LUC7L3: variants seen among roughly 807,000 people sequenced by gnomAD.
The protein encoded by LUC7L3 is LUC7 like 3 pre-mRNA splicing factor, also known as luc7-like protein 3.
A neutral mutation model predicts 66.8 loss-of-function variants in LUC7L3; 6 were observed. That is an observed-to-expected ratio of 0.09 (90% confidence interval 0.05 to 0.18). The LOEUF (loss-of-function observed/expected upper bound fraction) is 0.18, where lower values mean the gene tolerates loss of function less well. Among genes scored for constraint, LUC7L3 ranks in the 10% least tolerant of loss-of-function variants. LUC7L3 has a pLI of 1.00. For synonymous variants in LUC7L3, 160 were observed against 174.7 expected, an observed-to-expected ratio of 0.92 and a Z score of 0.66; for missense variants, 341 against 531.1, an observed-to-expected ratio of 0.64 and a Z score of 3.52.
chr17:50,737,903 C>G (rs1970081763), intron 2 of LUC7L3, among the ~76,000 whole-genome samples: 1 of 152,116 alleles, frequency 6.6e-6, no homozygotes, highest in Non-Finnish European at 1.5e-5. Context: ...TGGTACATAA[C>G]CAGGATCATT....
At position 50,719,630 on chromosome 17, in the gene LUC7L3, G is replaced by A. The variant is rs1029589763; in HGVS notation, c.-103G>A. 2 of 941,470 alleles carry A rather than the reference G, an allele frequency of 2.1e-6. No individual in the cohort carries two copies. Among genetic ancestry groups the A allele is most frequent in the Non-Finnish European group, 1.7e-6 (1 of 604,864 alleles). The allele number at this position is 941,470 out of a possible 1,614,324, so 58.3% of individuals were successfully genotyped here. A position where few individuals can be genotyped will look rare whatever the true frequency, so the allele number is the denominator to read the frequency against. ...CTTGTCGGCTCCTGTGTGTAGGAGG[G>A]ATTTCGGCCTGAGAGCGGGCCGAGG... On this transcript the variant is annotated 5_prime_UTR_variant, in exon 1 of 10. Coordinates refer to ENST00000505658, the MANE Select transcript of LUC7L3 (RefSeq NM_016424.5).
intron 3 of LUC7L3, among the ~76,000 whole-genome samples, chr17:50,740,575 T>C (rs536788252): frequency 6.6e-6 from 1 of 152,242 alleles, no homozygotes; most frequent in East Asian, 1.9e-4. Context: ...TTGCTGTTTT[T>C]TTTAAATGAG....
At chr17:50,740,136 T>C in intron 2 of LUC7L3, 170 bp from the exon 3 acceptor site, 1 of 567,186 alleles carries the variant, frequency 1.8e-6, no homozygotes, top group Middle Eastern at 4.6e-4. Context: ...TTATATCCTA[T>C]TTGGTTATGA....
intron 1 of LUC7L3, among the ~76,000 whole-genome samples, chr17:50,721,136 A>G (rs1053981032): frequency 1.3e-5 from 2 of 152,032 alleles, no homozygotes; most frequent in African/African-American, 4.8e-5. Flanking sequence ...CTTTCAGTCT[A>G]AACTTTGCAA....
intron 1 of LUC7L3, among the ~76,000 whole-genome samples, chr17:50,726,967 T>G (rs1969231993): frequency 6.6e-6 from 1 of 152,024 alleles, no homozygotes; most frequent in South Asian, 2.1e-4. Flanking sequence ...CCGGTGCTTG[T>G]AATCCCAGCT....
rs778126864 is a variant in LUC7L3 at position 50,751,813 on chromosome 17, TA to T, written c.*1153del. 11 of 1,018,748 alleles carry T rather than the reference TA, an allele frequency of 1.1e-5. No individual in the cohort carries two copies. The highest frequency in any genetic ancestry group is 1.3e-5 in the Non-Finnish European group (11 of 849,874). 63.1% of individuals were successfully genotyped at this position (1,018,748 alleles called of 1,614,324 possible). A position where few individuals can be genotyped will look rare whatever the true frequency, so the allele number is the denominator to read the frequency against. Reference sequence around the variant, plus strand: ...GTGAAATCAAAGAACTGATGCACTATATAGAACGAATTTGGGTTTTTAAAGA... The same window carrying T: ...GTGAAATCAAAGAACTGATGCACTATTAGAACGAATTTGGGTTTTTAAAGA... On this transcript the variant is annotated 3_prime_UTR_variant, in exon 10 of 10. Transcript: ENST00000505658.
chr17:50,756,150 T>C lies in LUC7L3; in HGVS notation c.*5489T>C, dbSNP rs1056099203. 4 of 152,230 alleles carry C rather than the reference T, an allele frequency of 2.6e-5. No homozygotes were observed. The highest frequency in any genetic ancestry group is 2.6e-4 in the Admixed American group (4 of 15,282). The allele number at this position is 152,230 out of a possible 1,614,324, so 9.4% of individuals were successfully genotyped here. On this transcript the variant is annotated 3_prime_UTR_variant, in exon 10 of 10. Transcript: ENST00000505658. ...AGCCTGTGGGCATTTCCTTTTTTAA[T>C]CTGTATGTTTATGTGCTTTTGTATG...
chr17:50,745,572 GT>G, intron 7 of LUC7L3, 147 bp from the exon 8 acceptor site: 1 of 595,566 alleles, frequency 1.7e-6, no homozygotes, highest in Middle Eastern at 4.2e-4. Context: ...ATGATACCTT[GT>G]GTATATACAT....
chr17:50,747,371 G>A (rs943582266), intron 9 of LUC7L3, among the ~76,000 whole-genome samples: 1 of 150,704 alleles, frequency 6.6e-6, no homozygotes, highest in African/African-American at 2.4e-5. Context: ...AGATAATTCT[G>A]TTAACCACCA....
rs996611525 is a variant in LUC7L3, at chr17:50,751,961, C to T, written c.*1300C>T. ...TACCAATTAGTTGATTTGTTGGTGG[C>T]ATTCCCCTTTTGGGAAAGCAATGTA... On this transcript the variant is annotated 3_prime_UTR_variant, in exon 10 of 10. Coordinates refer to ENST00000505658, the MANE Select transcript of LUC7L3 (RefSeq NM_016424.5). 16 of 1,026,410 alleles carry T rather than the reference C, an allele frequency of 1.6e-5. No individual in the cohort carries two copies. The Admixed American group carries it at 7.2e-4, about 46-fold the overall frequency. 63.6% of individuals were successfully genotyped at this position (1,026,410 alleles called of 1,614,324 possible).
chr17:50,733,551 G>T (rs1969776503), intron 1 of LUC7L3, among the ~76,000 whole-genome samples: 1 of 151,966 alleles, frequency 6.6e-6, no homozygotes, highest in Non-Finnish European at 1.5e-5. Context: ...ACAGGCGGCC[G>T]CTACCACGCC....
At chr17:50,734,024 G>A (rs935470367) in intron 1 of LUC7L3, among the ~76,000 whole-genome samples, 2 of 152,098 alleles carry the variant, frequency 1.3e-5, no homozygotes, top group African/African-American at 4.8e-5. Flanking sequence ...GATGTTTTAA[G>A]AATTAGAAAA....
chr17:50,719,697 C>G lies in LUC7L3; in HGVS notation c.-36C>G, dbSNP rs780511668. The G allele has an allele frequency of 6.4e-7, 1 of 1,563,198 alleles. No individual in the cohort carries two copies. Among genetic ancestry groups the G allele is most frequent in the Admixed American group, 1.8e-5 (1 of 57,110 alleles). On this transcript the variant is annotated 5_prime_UTR_variant, in exon 1 of 10. Transcript: ENST00000505658. ...CGCCCGTGTTTTCGTTGGCGGGTGC[C>G]TGGGCTGGTGGGAACAGCCGCCCGA...
At chr17:50,734,242 A>T (rs140393469) in intron 1 of LUC7L3, among the ~76,000 whole-genome samples, 16,062 of 150,874 alleles carry the variant, frequency 0.11, 1,512 homozygotes, top group African/African-American at 0.26. Context: ...ATCTCAGCTC[A>T]CCGCAACCTC....
At chr17:50,729,068 A>G (rs189491938) in intron 1 of LUC7L3, among the ~76,000 whole-genome samples, 209 of 152,358 alleles carry the variant, frequency 1.4e-3, no homozygotes, top group Non-Finnish European at 1.5e-3. Flanking sequence ...TAATATAAAG[A>G]AGAGTTAGGT....
rs746141925 is a variant in LUC7L3 at position 50,740,292 on chromosome 17, A to G, written c.167-14A>G. ...AATCACAGATAATTTATACAATTATATTTTTTCCCCCAGGTCCGTGTGAAA... is the reference window on the plus strand; with the variant it reads ...AATCACAGATAATTTATACAATTATGTTTTTTCCCCCAGGTCCGTGTGAAA... On this transcript the variant is annotated splice_polypyrimidine_tract_variant and intron_variant, in intron 2 of 9. Coordinates refer to ENST00000505658, the MANE Select transcript of LUC7L3 (RefSeq NM_016424.5). 2.5e-6 allele frequency: 4 copies of G among 1,584,684 alleles called. No individual in the cohort carries two copies. Among genetic ancestry groups the G allele is most frequent in the African/African-American group, 2.7e-5 (2 of 73,404 alleles).
rs1971061357 is a variant in LUC7L3, at chr17:50,753,840, T to C, written c.*3179T>C. 2 of 152,194 alleles carry C rather than the reference T, an allele frequency of 1.3e-5. No individual in the cohort carries two copies. Among genetic ancestry groups the C allele is most frequent in the South Asian group, 4.1e-4 (2 of 4,834 alleles). 9.4% of individuals were successfully genotyped at this position (152,194 alleles called of 1,614,324 possible). On this transcript the variant is annotated 3_prime_UTR_variant, in exon 10 of 10. Coordinates refer to ENST00000505658, the MANE Select transcript of LUC7L3 (RefSeq NM_016424.5). The stretch of plus-strand genomic sequence containing the variant: ...ACGTCTAACTAACTTAAATGAAGTA[T>C]AATAAATGAGTTCATATGAAAAGGC...
intron 6 of LUC7L3, among the ~76,000 whole-genome samples, chr17:50,744,344 G>A (rs1970531450): frequency 6.6e-6 from 1 of 152,180 alleles, no homozygotes; most frequent in Non-Finnish European, 1.5e-5. Context: ...TTGAACCTAA[G>A]CAAGGAATGT....
At chr17:50,723,242 A>C (rs754320341) in intron 1 of LUC7L3, 7 of 152,222 alleles carry the variant, frequency 4.6e-5, no homozygotes, top group African/African-American at 9.6e-5. Context: ...CACTGATTCT[A>C]ATATCTGAAA....
Sources: allele counts gnomAD v4.1 joint callset (sites outside exome capture counted in the v4.1 genomes callset), GRCh38; gene constraint gnomAD v4.1.1; transcripts MANE v1.5; gene names NCBI Gene and HGNC (gene_info 2026-07-23, HGNC 2026-07-21).